The following AKT2 variants were observed in gnomAD, a reference collection of about 807,000 sequenced individuals.
AKT2 encodes RAC-beta serine/threonine-protein kinase.
Under a neutral mutation model 58.6 loss-of-function variants are expected in AKT2, and 16 were observed. The observed-to-expected ratio is 0.27, with a 90% CI of 0.18 to 0.41. The LOEUF is 0.41. Among genes scored for constraint, AKT2 ranks in the 10% least tolerant of loss-of-function variants. The probability of loss-of-function intolerance (pLI) is 1.00; values close to 1 mark genes in which losing one functional copy is unlikely to be tolerated. For missense variants in AKT2, 438 were observed against 661.0 expected (o/e 0.66, Z 3.70); for synonymous variants, 253 against 254.0 (o/e 1.00, Z 0.04).
chr19:40,239,936 C>T (rs560751036), intron 7 of AKT2, 109 bp downstream of exon 7: 62 of 1,391,302 alleles, frequency 4.5e-5, no homozygotes, highest in African/African-American at 2.1e-4. Context: ...TTGCCCTGCC[C>T]GCCTGGCCTA....
chr19:40,267,196 C>A (rs1019262738), intron 1 of AKT2, among the ~76,000 whole-genome samples: 1 of 152,130 alleles, frequency 6.6e-6, no homozygotes, highest in Non-Finnish European at 1.5e-5. Context: ...CTGCTCAGAA[C>A]CTTTGTGGCT....
chr19:40,239,986 T>C, intron 7 of AKT2, 59 bp downstream of exon 7: 1 of 1,574,316 alleles, frequency 6.4e-7, no homozygotes, highest in Non-Finnish European at 8.7e-7. Context: ...TAGGGCTCTC[T>C]CTCTGAGCTC....
chr19:40,240,269 A>G (rs1382954680), intron 6 of AKT2, 159 bp from the exon 7 acceptor site: 1 of 837,324 alleles, frequency 1.2e-6, no homozygotes, highest in Non-Finnish European at 2.1e-6. Flanking sequence ...AACCCTCAGC[A>G]AATAGCAGAC....
chr19:40,245,473 C>T lies in AKT2; in HGVS notation c.288-2786G>A, dbSNP rs190480399. On this transcript the variant is annotated intron_variant, in intron 4 of 13. Transcript: ENST00000392038. The stretch of plus-strand genomic sequence containing the variant: ...TTCTGCAGACACATGCTCACATAGG[C>T]ACAAACATCTCCAGAAGAGAAGTCA... 2.0e-5 allele frequency among the ~76,000 whole-genome samples: 3 copies of T among 152,264 alleles called. No individual in the cohort carries two copies. The East Asian group carries it at 5.8e-4, about 29-fold the overall frequency.
chr19:40,275,103 C>T (rs756946471), intron 1 of AKT2: 11 of 456,696 alleles, frequency 2.4e-5, no homozygotes, highest in East Asian at 6.9e-5. Context: ...GGTGAATACC[C>T]ACAGCGAGAG....
chr19:40,249,888 G>A (rs1037383208), intron 4 of AKT2, among the ~76,000 whole-genome samples: 3 of 152,240 alleles, frequency 2.0e-5, no homozygotes, highest in Non-Finnish European at 4.4e-5. Flanking sequence ...AGCGAAGGGA[G>A]GCAGGGCAGG....
chr19:40,271,884 G>T (rs1346816207), intron 1 of AKT2, among the ~76,000 whole-genome samples: 2 of 152,150 alleles, frequency 1.3e-5, no homozygotes, highest in Non-Finnish European at 2.9e-5. Flanking sequence ...ATGTCTCCTG[G>T]GGTACAAAAC....
At position 40,283,924 on chromosome 19, in the gene AKT2, T is replaced by C. The variant is rs146630415; in HGVS notation, c.-85+1257A>G. Among the ~76,000 whole-genome samples, 317 of 152,268 alleles carry C rather than the reference T, an allele frequency of 2.1e-3. 2 individuals carry two copies. Among genetic ancestry groups the C allele is most frequent in the African/African-American group, 7.0e-3 (293 of 41,580 alleles). ...GTGTAAACATGATGTGTGACCGAGC[T>C]GGTAACTGGGAGACACAAACAGCTT... is the stretch of plus-strand genomic sequence containing the variant. On this transcript the variant is annotated intron_variant, in intron 1 of 13. Transcript: ENST00000392038.
At chr19:40,253,030 T>A (rs1483512488) in intron 4 of AKT2, among the ~76,000 whole-genome samples, 1 of 152,228 alleles carries the variant, frequency 6.6e-6, no homozygotes, top group African/African-American at 2.4e-5. Context: ...AGTCTCATGA[T>A]ATTGTGGGTT....
Position 40,242,222 on chromosome 19 carries a change from T to TCTGAAG in AKT2, c.442-159_442-154dup, listed in dbSNP as rs1432157407. ...GAGGCTCTGGGCAGCAACTGTGTGT[T>TCTGAAG]CTGAAGCGGCCTTCAGACCAGGCTC... On this transcript the variant is annotated intron_variant, in intron 5 of 13. Transcript: ENST00000392038. This position sits in a 1 kb window ranked among gnomAD's most constrained non-coding sequence, Gnocchi z 4.3. 8.5e-7 allele frequency: 1 copy of TCTGAAG among 1,172,780 alleles called. No individual in the cohort carries two copies. Among genetic ancestry groups the TCTGAAG allele is most frequent in the African/African-American group, 1.5e-5 (1 of 65,784 alleles). 72.6% of individuals were successfully genotyped at this position (1,172,780 alleles called of 1,614,324 possible). A position where few individuals can be genotyped will look rare whatever the true frequency, so the allele number is the denominator to read the frequency against.
At chr19:40,247,022 G>C (rs558271863) in intron 4 of AKT2, among the ~76,000 whole-genome samples, 1 of 152,328 alleles carries the variant, frequency 6.6e-6, no homozygotes, top group African/African-American at 2.4e-5. Context: ...CCTACAGAAA[G>C]CTCCAGAAAC....
chr19:40,276,453 C>T (rs1215990100), intron 1 of AKT2, among the ~76,000 whole-genome samples: 2 of 129,396 alleles, frequency 1.5e-5, no homozygotes, highest in Non-Finnish European at 3.1e-5. Context: ...GCAACCTCTG[C>T]TTCCCAGGTT....
In AKT2 at chr19:40,233,306, C is replaced by A. The variant is rs915702702; in HGVS notation, c.*566G>T. 89 of 391,410 alleles carry A rather than the reference C, an allele frequency of 2.3e-4. No individual in the cohort carries two copies. The highest frequency in any genetic ancestry group is 7.8e-5 in the Admixed American group (2 of 25,650). The allele number at this position is 391,410 out of a possible 1,614,324, so 24.2% of individuals were successfully genotyped here. Reference sequence around the variant, plus strand: ...TTCACCAGGGAGCAGCCCTAACCCCCAGCCCTGCAGCTCCCAAGGGCCCCT... The same window carrying A: ...TTCACCAGGGAGCAGCCCTAACCCCAAGCCCTGCAGCTCCCAAGGGCCCCT... On this transcript the variant is annotated 3_prime_UTR_variant, in exon 14 of 14. Coordinates refer to ENST00000392038, the MANE Select transcript of AKT2 (RefSeq NM_001626.6). The surrounding 1 kb of genome is among the most constrained non-coding windows in gnomAD (Gnocchi z 4.3).
At chr19:40,267,705 G>C (rs974597889) in intron 1 of AKT2, among the ~76,000 whole-genome samples, 4 of 152,190 alleles carry the variant, frequency 2.6e-5, no homozygotes, top group African/African-American at 9.7e-5. Context: ...CACACTACCA[G>C]ACTCTCTTCA....
At position 40,255,141 on chromosome 19, in the gene AKT2, C is replaced by G; in HGVS notation, c.287+17G>C. The G allele has an allele frequency of 3.1e-6, 5 of 1,594,294 alleles. No individual in the cohort carries two copies. The highest frequency in any genetic ancestry group is 4.3e-6 in the Non-Finnish European group (5 of 1,162,026). On this transcript the variant is annotated intron_variant, in intron 4 of 13. Coordinates refer to ENST00000392038, the MANE Select transcript of AKT2 (RefSeq NM_001626.6). Reference sequence around the variant, plus strand: ...TTGCTCCCTCTCAAGGGCAGCCACACAGAGGCCCAGACTGACCTCTCGTCT... The same window carrying G: ...TTGCTCCCTCTCAAGGGCAGCCACAGAGAGGCCCAGACTGACCTCTCGTCT...
At chr19:40,271,643 T>C (rs1333655134) in intron 1 of AKT2, among the ~76,000 whole-genome samples, 1 of 152,154 alleles carries the variant, frequency 6.6e-6, no homozygotes, top group Non-Finnish European at 1.5e-5. Context: ...AAAATGTACA[T>C]GTGCTTGGAG....
chr19:40,277,335 G>A (rs1464522128), intron 1 of AKT2, among the ~76,000 whole-genome samples: 1 of 152,174 alleles, frequency 6.6e-6, no homozygotes, highest in Non-Finnish European at 1.5e-5. Context: ...ATGCCCTGCA[G>A]ACACCTCCTC....
intron 2 of AKT2, among the ~76,000 whole-genome samples, chr19:40,261,375 A>G (rs531433941): frequency 1.3e-5 from 2 of 152,116 alleles, no homozygotes; most frequent in African/African-American, 2.4e-5. Flanking sequence ...TCTACTAATA[A>G]TACAAAAATT....
At chr19:40,268,371 T>C (rs1326828902) in intron 1 of AKT2, among the ~76,000 whole-genome samples, 3 of 152,194 alleles carry the variant, frequency 2.0e-5, no homozygotes, top group East Asian at 3.9e-4. Context: ...GCCAAACACA[T>C]GGCTGCCATT....
Sources: allele counts gnomAD v4.1 joint callset (sites outside exome capture counted in the v4.1 genomes callset), GRCh38; gene constraint gnomAD v4.1.1; non-coding constraint Gnocchi (gnomAD v3.1); transcripts MANE v1.5; gene names NCBI Gene and HGNC (gene_info 2026-07-23, HGNC 2026-07-21).